CBLN2: variants seen among roughly 807,000 people sequenced by gnomAD.
CBLN2 encodes the protein cerebellin-2.
In CBLN2, 7 loss-of-function variants were observed where a neutral mutation model predicts 15.0. The ratio of observed to expected loss-of-function variants is 0.47; its 90% CI spans 0.27 to 0.88. The LOEUF (loss-of-function observed/expected upper bound fraction) is 0.88, where lower values mean the gene tolerates loss of function less well. Ranked by LOEUF, CBLN2 falls within the 40% of genes least tolerant of loss-of-function variation. The pLI is 0.14. For missense variants in CBLN2, 242 were observed against 304.5 expected (o/e 0.79, Z 1.53); for synonymous variants, 149 against 135.2 (o/e 1.10, Z -0.71).
intron 1 of CBLN2, among the ~76,000 whole-genome samples, chr18:72,554,654 G>T (rs1479901580): frequency 6.6e-6 from 1 of 151,010 alleles, no homozygotes; most frequent in Non-Finnish European, 1.5e-5. Context: ...TTGAATGCCT[G>T]CAAAGAAAAA....
intron 1 of CBLN2, among the ~76,000 whole-genome samples, chr18:72,635,036 G>A (rs1279046834): frequency 1.3e-5 from 2 of 152,048 alleles, no homozygotes; most frequent in Admixed American, 1.3e-4. Context: ...GAGGGCATGG[G>A]TTGTCTGAGC....
At chr18:72,620,897 T>TA (rs1448018499) in intron 1 of CBLN2, among the ~76,000 whole-genome samples, 3 of 152,146 alleles carry the variant, frequency 2.0e-5, no homozygotes, top group Non-Finnish European at 1.5e-5. Context: ...TTTCACATTA[T>TA]AAAAAGAAAA....
At chr18:72,589,598 A>G (rs1200851528) in intron 1 of CBLN2, among the ~76,000 whole-genome samples, 2 of 152,236 alleles carry the variant, frequency 1.3e-5, no homozygotes, top group Non-Finnish European at 2.9e-5. Flanking sequence ...AATAAAGATT[A>G]AAAATGAACA....
intron 1 of CBLN2, among the ~76,000 whole-genome samples, chr18:72,628,504 C>T (rs745685329): frequency 6.6e-6 from 1 of 152,192 alleles, no homozygotes. Context: ...AATTGTCCAG[C>T]ATTGGACGGA....
intron 1 of CBLN2, among the ~76,000 whole-genome samples, chr18:72,590,843 A>C (rs2069475592): frequency 6.6e-6 from 1 of 152,256 alleles, no homozygotes; most frequent in African/African-American, 2.4e-5. Context: ...TACTAAATGA[A>C]ATAAATACTA....
At chr18:72,580,084 A>G (rs1459194938) in intron 1 of CBLN2, among the ~76,000 whole-genome samples, 4 of 136,330 alleles carry the variant, frequency 2.9e-5, no homozygotes, top group African/African-American at 9.8e-5. Context: ...ACTTTTTTCC[A>G]AATTATAGCA....
At chr18:72,624,090 T>G (rs2069718282) in intron 1 of CBLN2, among the ~76,000 whole-genome samples, 1 of 152,108 alleles carries the variant, frequency 6.6e-6, no homozygotes, top group South Asian at 2.1e-4. Flanking sequence ...GTCTATGACA[T>G]GCTCAGTATT....
intron 1 of CBLN2, among the ~76,000 whole-genome samples, chr18:72,587,051 A>G (rs1037118760): frequency 6.6e-6 from 1 of 152,046 alleles, no homozygotes; most frequent in Non-Finnish European, 1.5e-5. Flanking sequence ...ATAGCGTATC[A>G]TCAACATTCT....
intron 1 of CBLN2, chr18:72,618,867 C>A (rs1411077095): frequency 1.4e-6 from 1 of 729,248 alleles, no homozygotes; most frequent in Non-Finnish European, 2.5e-6. Context: ...GTTCTGGAAG[C>A]TTTAGCGGTG....
upstream of CBLN2, among the ~76,000 whole-genome samples, chr18:72,544,912 T>A (rs1474153953): frequency 6.6e-6 from 1 of 151,912 alleles, no homozygotes; most frequent in African/African-American, 2.4e-5. Flanking sequence ...TGATTTTTTT[T>A]TAAAACATGG....
intron 1 of CBLN2, among the ~76,000 whole-genome samples, chr18:72,637,500 T>C (rs1053743843): frequency 6.6e-6 from 1 of 152,118 alleles, no homozygotes; most frequent in East Asian, 1.9e-4. Flanking sequence ...CTGGCGTGAA[T>C]AGAAAGCGAC....
At chr18:72,618,725 A>T (rs2069679652) in intron 1 of CBLN2, 1 of 718,920 alleles carries the variant, frequency 1.4e-6, no homozygotes, top group Admixed American at 1.8e-5. Flanking sequence ...ATAATCTTTG[A>T]TGACCATGAC....
intron 2 of CBLN2, 89 bp from the exon 3 acceptor site, chr18:72,542,415 G>A (rs1471138639): frequency 1.3e-5 from 3 of 224,066 alleles, no homozygotes; most frequent in East Asian, 1.2e-4. Context: ...GCGGCTCGGG[G>A]GTTCTCCCCG....
intron 1 of CBLN2, among the ~76,000 whole-genome samples, chr18:72,586,493 A>G (rs1036834217): frequency 1.3e-5 from 2 of 152,234 alleles, no homozygotes; most frequent in Non-Finnish European, 2.9e-5. Flanking sequence ...TGGAAAGAAC[A>G]TAACTGTCAT....
chr18:72,584,563 AAGT>A (rs2069429817), intron 1 of CBLN2, among the ~76,000 whole-genome samples: 1 of 151,938 alleles, frequency 6.6e-6, no homozygotes, highest in South Asian at 2.1e-4. Flanking sequence ...CAGCCTCCCA[AAGT>A]GCTGGGATTA....
intron 1 of CBLN2, among the ~76,000 whole-genome samples, chr18:72,603,788 G>T (rs2069564875): frequency 6.6e-6 from 1 of 152,058 alleles, no homozygotes. Flanking sequence ...CTTAATTATA[G>T]ATTGCCTAAA....
At chr18:72,629,430 C>T (rs1253072603) in intron 1 of CBLN2, among the ~76,000 whole-genome samples, 1 of 149,380 alleles carries the variant, frequency 6.7e-6, no homozygotes, top group African/African-American at 2.5e-5. Context: ...ATAAAGAAAA[C>T]AAAGAAGATG....
chr18:72,637,237 A>G (rs1157590036), intron 1 of CBLN2, among the ~76,000 whole-genome samples: 1 of 151,736 alleles, frequency 6.6e-6, no homozygotes, highest in Non-Finnish European at 1.5e-5. Flanking sequence ...GAGTTTAAAT[A>G]CTTGCAGACA....
intron 1 of CBLN2, among the ~76,000 whole-genome samples, chr18:72,601,313 A>C (rs2069546390): frequency 6.6e-6 from 1 of 152,162 alleles, no homozygotes; most frequent in African/African-American, 2.4e-5. Flanking sequence ...TTACTGTCAC[A>C]ATTTTGCAAA....
Sources: gnomAD v4.1 joint callset for allele counts (sites outside exome capture counted in the v4.1 genomes callset) on GRCh38, gnomAD v4.1.1 for gene constraint, MANE v1.5 for transcripts, NCBI Gene and HGNC (gene_info 2026-07-23, HGNC 2026-07-21) for gene names.